TAS2R1: variants seen among roughly 807,000 people sequenced by gnomAD.
The protein encoded by TAS2R1 is taste 2 receptor member 1, also known as taste receptor type 2 member 1.
For missense variants in TAS2R1, 370 were observed against 353.4 expected (o/e 1.05, Z -0.38); for synonymous variants, 141 against 134.2 (o/e 1.05, Z -0.35).
the TAS2R1 span, among the ~76,000 whole-genome samples, chr5:9,751,004 T>C: frequency 6.6e-6 from 1 of 151,882 alleles, no homozygotes; most frequent in South Asian, 2.1e-4. Context: ...GGTGTAATAC[T>C]AGCTACTGGC....
chr5:9,672,311 C>T (rs752628050), intron 1 of TAS2R1, among the ~76,000 whole-genome samples: 14 of 151,518 alleles, frequency 9.2e-5, no homozygotes, highest in East Asian at 1.9e-4. Context: ...TAAGAGCTTC[C>T]GCATACAAAA....
chr5:9,892,532 T>C, the TAS2R1 span, among the ~76,000 whole-genome samples: 1 of 152,152 alleles, frequency 6.6e-6, no homozygotes, highest in African/African-American at 2.4e-5. Context: ...CTGAACCAAC[T>C]ACATAACAAC....
the TAS2R1 span, among the ~76,000 whole-genome samples, chr5:9,818,443 C>T: frequency 6.6e-6 from 1 of 152,126 alleles, no homozygotes; most frequent in Non-Finnish European, 1.5e-5. Flanking sequence ...TTAAACATCC[C>T]CAAATTTAGT....
the TAS2R1 span, among the ~76,000 whole-genome samples, chr5:9,775,719 T>C: frequency 6.6e-5 from 10 of 151,860 alleles, 1 homozygote; most frequent in African/African-American, 2.4e-4. Context: ...CCAGGGTATA[T>C]CTAGAAATTT....
chr5:9,774,749 C>T, the TAS2R1 span, among the ~76,000 whole-genome samples: 9 of 152,360 alleles, frequency 5.9e-5, no homozygotes, highest in African/African-American at 1.4e-4. Flanking sequence ...GATTACCAGG[C>T]GGAGACTCTT....
the TAS2R1 span, among the ~76,000 whole-genome samples, chr5:9,773,539 A>G: frequency 6.6e-6 from 1 of 152,040 alleles, no homozygotes; most frequent in East Asian, 1.9e-4. Flanking sequence ...ATGATTTCTT[A>G]TTGCTCATTA....
the TAS2R1 span, among the ~76,000 whole-genome samples, chr5:9,846,877 G>C: frequency 5.3e-5 from 8 of 152,090 alleles, no homozygotes; most frequent in Non-Finnish European, 1.0e-4. Context: ...TATTTCAATT[G>C]TCTCCTTACA....
chr5:9,901,155 G>A, the TAS2R1 span, among the ~76,000 whole-genome samples: 1 of 150,256 alleles, frequency 6.7e-6, no homozygotes, highest in Non-Finnish European at 1.5e-5. Context: ...CAGGAGCTTT[G>A]ATCCTGAACT....
the TAS2R1 span, among the ~76,000 whole-genome samples, chr5:9,815,328 T>G: frequency 6.6e-6 from 1 of 152,212 alleles, no homozygotes; most frequent in African/African-American, 2.4e-5. Flanking sequence ...ACACACTCCA[T>G]GTCTGAAGTC....
rs1740030416 is a variant in TAS2R1, at chr5:9,639,469, C to T, written c.-80-9477G>A. Reference sequence around the variant, plus strand: ...TGCTTTGGGAACTCACAGTTTTTTGCCTGTTTTGTGGAATTTGCAGCAGCA... The same window carrying T: ...TGCTTTGGGAACTCACAGTTTTTTGTCTGTTTTGTGGAATTTGCAGCAGCA... On this transcript the variant is annotated intron_variant, in intron 2 of 2. Transcript: ENST00000506620. Among the ~76,000 whole-genome samples the T allele has an allele frequency of 5.9e-5, 9 of 152,054 alleles. No homozygotes were observed. The South Asian group carries it at 1.9e-3, about 32-fold the overall frequency.
At chr5:9,642,893 A>G (rs1740115078) in intron 2 of TAS2R1, among the ~76,000 whole-genome samples, 1 of 152,142 alleles carries the variant, frequency 6.6e-6, no homozygotes, top group African/African-American at 2.4e-5. Context: ...CTTCAGCTCT[A>G]AACTGAGTTC....
chr5:9,795,355 T>C, the TAS2R1 span, among the ~76,000 whole-genome samples: 1 of 152,128 alleles, frequency 6.6e-6, no homozygotes, highest in South Asian at 2.1e-4. Flanking sequence ...GAGGACAAAG[T>C]AATATCTTCA....
the TAS2R1 span, among the ~76,000 whole-genome samples, chr5:9,888,291 C>T: frequency 6.6e-6 from 1 of 152,136 alleles, no homozygotes; most frequent in African/African-American, 2.4e-5. Flanking sequence ...TCCTTTTCTC[C>T]TCTTACTCTA....
At chr5:9,854,057 T>C in the TAS2R1 span, among the ~76,000 whole-genome samples, 1 of 152,222 alleles carries the variant, frequency 6.6e-6, no homozygotes, top group African/African-American at 2.4e-5. Flanking sequence ...CACAGTTCTG[T>C]AGACAAGAAG....
At chr5:9,878,846 T>C in the TAS2R1 span, among the ~76,000 whole-genome samples, 1 of 152,358 alleles carries the variant, frequency 6.6e-6, no homozygotes, top group South Asian at 2.1e-4. Context: ...TTCCCAGAAT[T>C]CCCTTCCCTG....
At chr5:9,870,352 G>A in the TAS2R1 span, 13 of 152,092 alleles carry the variant, frequency 8.5e-5, no homozygotes, top group South Asian at 4.2e-4. Flanking sequence ...TGGTCATGCC[G>A]GCATTCTTAT....
chr5:9,790,026 T>C, the TAS2R1 span, among the ~76,000 whole-genome samples: 1 of 152,240 alleles, frequency 6.6e-6, no homozygotes, highest in Non-Finnish European at 1.5e-5. Flanking sequence ...ACTCTGCTCA[T>C]GTTCTTTGCC....
the TAS2R1 span, among the ~76,000 whole-genome samples, chr5:9,721,419 A>G: frequency 3.3e-5 from 5 of 152,250 alleles, no homozygotes; most frequent in African/African-American, 1.2e-4. Flanking sequence ...TCATCTGGGA[A>G]GTATGGCCAA....
At chr5:9,778,802 T>C in the TAS2R1 span, among the ~76,000 whole-genome samples, 1 of 152,360 alleles carries the variant, frequency 6.6e-6, no homozygotes, top group African/African-American at 2.4e-5. Flanking sequence ...CTGTTGTTGC[T>C]GATTTGATCT....
Sources: gnomAD v4.1 joint callset for allele counts (sites outside exome capture counted in the v4.1 genomes callset) on GRCh38, gnomAD v4.1.1 for gene constraint, MANE v1.5 for transcripts, NCBI Gene and HGNC (gene_info 2026-07-23, HGNC 2026-07-21) for gene names.